Variants in PM20D1 observed in about 807,000 individuals in gnomAD.
The protein encoded by PM20D1 is N-fatty-acyl-amino acid synthase/hydrolase PM20D1.
PM20D1 carries 53 observed loss-of-function variants against 53.8 expected under a neutral mutation model. The observed-to-expected ratio is 0.98, with a 90% CI of 0.79 to 1.24. PM20D1 has a LOEUF of 1.24. Among genes scored for constraint, PM20D1 ranks in the 50% most tolerant of loss-of-function variants. The pLI, the probability that PM20D1 is intolerant of heterozygous loss-of-function variation, is 0.00. For synonymous variants in PM20D1, 239 were observed against 241.3 expected, an observed-to-expected ratio of 0.99 and a Z score of 0.09; for missense variants, 564 against 616.8, an observed-to-expected ratio of 0.91 and a Z score of 0.91.
At chr1:205,846,488 G>A (rs1385885834) in intron 2 of PM20D1, among the ~76,000 whole-genome samples, 3 of 152,208 alleles carry the variant, frequency 2.0e-5, no homozygotes, top group Non-Finnish European at 2.9e-5. Context: ...CTATGCAGAT[G>A]AGGGATGCAT....
At chr1:205,842,012 T>C in intron 8 of PM20D1, 123 bp from the exon 9 acceptor site, 3 of 1,190,228 alleles carry the variant, frequency 2.5e-6, no homozygotes, top group Non-Finnish European at 3.7e-6. Flanking sequence ...GTCTTAGAGA[T>C]GTCTTAAATA....
chr1:205,838,557 C>T (rs1656734178), intron 10 of PM20D1, among the ~76,000 whole-genome samples: 1 of 152,164 alleles, frequency 6.6e-6, no homozygotes, highest in South Asian at 2.1e-4. Context: ...GCTCTGGCCT[C>T]AACTCTTTTC....
At chr1:205,837,709 T>G (rs545683126) in intron 10 of PM20D1, among the ~76,000 whole-genome samples, 10 of 152,090 alleles carry the variant, frequency 6.6e-5, no homozygotes, top group Admixed American at 1.3e-4. Context: ...GACCTAGGGA[T>G]TCCAGGGGTT....
chr1:205,840,204 A>G (rs1278818682), intron 10 of PM20D1, 48 bp downstream of exon 10: 2 of 1,558,964 alleles, frequency 1.3e-6, no homozygotes, highest in Admixed American at 1.7e-5. Context: ...TGAGGGCCAC[A>G]TCTCCCTGAT....
At chr1:205,848,104 G>T (rs924724241) in intron 1 of PM20D1, 133 bp from the exon 2 acceptor site, 1 of 816,306 alleles carries the variant, frequency 1.2e-6, no homozygotes, top group African/African-American at 1.7e-5. Context: ...TGTGAGGTAG[G>T]CGCTATTGTT....
intron 10 of PM20D1, among the ~76,000 whole-genome samples, chr1:205,837,067 T>C (rs1180857205): frequency 6.6e-6 from 1 of 152,170 alleles, no homozygotes; most frequent in East Asian, 1.9e-4. Flanking sequence ...ATTACTTTCT[T>C]TGTGGTATTT....
chr1:205,843,409 C>T (rs776508524), intron 6 of PM20D1, among the ~76,000 whole-genome samples: 1 of 152,180 alleles, frequency 6.6e-6, no homozygotes, highest in African/African-American at 2.4e-5. Context: ...AATTCTCACT[C>T]CATTTGAGAT....
Position 205,841,837 on chromosome 1 carries a change from G to A in PM20D1, c.1018C>T (p.Leu340Phe). The stretch of plus-strand genomic sequence containing the variant: ...TTGACCCCTGCTTTGAATATGGTGA[G>A]TGCCGTGGTGGTCCTGATTATTGCA... Reference protein sequence around the residue: ...TNAIIRTTTALTIFKAGVKFN... With the variant: ...TNAIIRTTTAFTIFKAGVKFN... The change falls in exon 9 of 13, where the codon CTC becomes TTC. Residue 340 changes from leucine to phenylalanine, a missense_variant. Coordinates refer to ENST00000367136, the MANE Select transcript of PM20D1 (RefSeq NM_152491.5). 2 of 1,570,280 alleles carry A rather than the reference G, an allele frequency of 1.3e-6. No individual in the cohort carries two copies. The highest frequency in any genetic ancestry group is 1.4e-5 in the African/African-American group (1 of 73,940).
At position 205,830,303 on chromosome 1, in the gene PM20D1, G is replaced by A; in HGVS notation, c.1362C>T (p.Tyr454=). 1 of 1,610,310 alleles carries A rather than the reference G, an allele frequency of 6.2e-7. No individual in the cohort carries two copies. Among genetic ancestry groups the A allele is most frequent in the Middle Eastern group, 1.7e-4 (1 of 6,060 alleles). Reference sequence around the variant, plus strand: ...ACCGTTTGAAGTCTTCAGGCTGTATGTAGATGGGGTAGAACCTGTAGATGC... The same window carrying A: ...ACCGTTTGAAGTCTTCAGGCTGTATATAGATGGGGTAGAACCTGTAGATGC... ...TTGIYRFYPI[Y]IQPEDFKRIH... The change falls in exon 12 of 13, where the codon TAC becomes TAT. Residue 454 remains tyrosine (Y), a synonymous_variant. Transcript: ENST00000367136.
Position 205,844,792 on chromosome 1 carries a change from T to G in PM20D1, c.576+19A>C. The G allele has an allele frequency of 6.2e-7, 1 of 1,605,006 alleles. No homozygotes were observed. The highest frequency in any genetic ancestry group is 8.5e-7 in the Non-Finnish European group (1 of 1,172,144). On this transcript the variant is annotated intron_variant, in intron 4 of 12. Coordinates refer to ENST00000367136, the MANE Select transcript of PM20D1 (RefSeq NM_152491.5). Reference sequence around the variant, plus strand: ...CCTCAACAGAGGACAGAGATAGGTATAAGGTGAGGAGGCTCTACCTCCTCA... The same window carrying G: ...CCTCAACAGAGGACAGAGATAGGTAGAAGGTGAGGAGGCTCTACCTCCTCA...
rs754962618 is a variant in PM20D1, at chr1:205,850,056, A to G, written c.17T>C (p.Val6Ala). Residue 6 changes from valine to alanine, a missense_variant, in exon 1 of 13, where the codon GTT becomes GCT. Transcript: ENST00000367136. MAQRC[V>A]CVLALVAMLL... Reference sequence around the variant, plus strand: ...CATAGCCACCAGGGCCAGCACGCAAACGCACCGCTGAGCCATGCTTCTCTC... The same window carrying G: ...CATAGCCACCAGGGCCAGCACGCAAGCGCACCGCTGAGCCATGCTTCTCTC... The G allele has an allele frequency of 1.3e-5, 21 of 1,613,692 alleles. No individual in the cohort carries two copies. The South Asian group carries it at 2.2e-4, about 17-fold the overall frequency.
At chr1:205,846,993 C>T (rs1657002447) in intron 2 of PM20D1, among the ~76,000 whole-genome samples, 1 of 133,620 alleles carries the variant, frequency 7.5e-6, no homozygotes, top group Non-Finnish European at 1.6e-5. Flanking sequence ...TTTGTTTTTT[C>T]CTTCCTTCCT....
intron 7 of PM20D1, 96 bp from the exon 8 acceptor site, chr1:205,842,311 G>A: frequency 8.9e-7 from 1 of 1,121,106 alleles, no homozygotes; most frequent in Middle Eastern, 2.0e-4. Context: ...TGCCTCAGGG[G>A]CCCTTAGCAG....
intron 10 of PM20D1, among the ~76,000 whole-genome samples, chr1:205,835,535 C>A (rs1382806823): frequency 6.6e-6 from 1 of 151,514 alleles, no homozygotes; most frequent in Admixed American, 6.6e-5. Context: ...GCCTGGAGTC[C>A]CGGCTGCTCG....
At position 205,828,695 on chromosome 1, in the gene PM20D1, T is replaced by C. The variant is rs774421828; in HGVS notation, c.1434A>G (p.Gln478=). 1 of 1,614,140 alleles carries C rather than the reference T, an allele frequency of 6.2e-7. No individual in the cohort carries two copies. The highest frequency in any genetic ancestry group is 1.3e-5 in the African/African-American group (1 of 75,034). Reference sequence around the variant, plus strand: ...GAATCAACTCAAAGATGAATTTCACTTGGGTCTCATAGGCTTGGACTGAGA... The same window carrying C: ...GAATCAACTCAAAGATGAATTTCACCTGGGTCTCATAGGCTTGGACTGAGA... ...EKISVQAYET[Q]VKFIFELIQN... The change falls in exon 13 of 13, where the codon CAA becomes CAG. Residue 478 remains glutamine, a synonymous_variant. Transcript: ENST00000367136.
chr1:205,841,600 G>T (rs986622109), intron 9 of PM20D1, among the ~76,000 whole-genome samples: 1 of 152,158 alleles, frequency 6.6e-6, no homozygotes, highest in African/African-American at 2.4e-5. Flanking sequence ...CTAGGTGAAT[G>T]GTGCCCCCTG....
chr1:205,843,683 C>T lies in PM20D1; in HGVS notation c.811G>A (p.Ala271Thr). ...GTTGCTTACCGGCTGACAGCAGCTG[C>T]AAGGATGCCAATGCTTGTCTCCTTT... is the stretch of plus-strand genomic sequence containing the variant. ...PPKETSIGIL[A>T]AAVSRLEQTP... The change falls in exon 6 of 13, where the codon GCA (alanine) becomes ACA (threonine). Residue 271 changes from alanine to threonine, a missense_variant. Physicochemically the swap from Ala to Thr is moderately conservative, Grantham distance 58. Transcript: ENST00000367136. 6.2e-7 allele frequency: 1 copy of T among 1,613,878 alleles called. No homozygotes were observed. The highest frequency in any genetic ancestry group is 8.5e-7 in the Non-Finnish European group (1 of 1,179,966).
intron 10 of PM20D1, among the ~76,000 whole-genome samples, chr1:205,839,156 A>G (rs891568875): frequency 3.6e-4 from 55 of 151,924 alleles, no homozygotes; most frequent in Middle Eastern, 3.4e-3. Flanking sequence ...CTAAACTACA[A>G]CTCCATTTCC....
chr1:205,828,817 C>T, intron 12 of PM20D1, 74 bp from the exon 13 acceptor site: 3 of 1,555,150 alleles, frequency 1.9e-6, no homozygotes, highest in Non-Finnish European at 2.6e-6. Flanking sequence ...TCACAGAGCA[C>T]TTCCCTTACT....
Sources: allele counts gnomAD v4.1 joint callset (sites outside exome capture counted in the v4.1 genomes callset), GRCh38; gene constraint gnomAD v4.1.1; transcripts MANE v1.5; gene names NCBI Gene and HGNC (gene_info 2026-07-23, HGNC 2026-07-21).